Variants in DAB1 observed in about 807,000 individuals in gnomAD.
DAB1 encodes the protein DAB adaptor protein 1.
DAB1 carries 15 observed loss-of-function variants against 64.6 expected under a neutral mutation model. The ratio of observed to expected loss-of-function variants is 0.23; its 90% CI spans 0.16 to 0.36. The LOEUF is 0.36. Ranked by LOEUF, DAB1 falls within the 10% of genes least tolerant of loss-of-function variation. DAB1 has a pLI of 1.00. For synonymous variants in DAB1, 235 were observed against 251.9 expected, an observed-to-expected ratio of 0.93 and a Z score of 0.64; for missense variants, 596 against 706.7, an observed-to-expected ratio of 0.84 and a Z score of 1.78.
intron 4 of DAB1, among the ~76,000 whole-genome samples, chr1:58,269,124 A>G (rs686293): frequency 0.65 from 91,632 of 140,972 alleles, 30,757 homozygotes; most frequent in East Asian, 0.85. Flanking sequence ...CTAACTCGTC[A>G]TCTAGCATTA....
chr1:58,266,916 T>C (rs1661181474), intron 4 of DAB1, among the ~76,000 whole-genome samples: 1 of 152,234 alleles, frequency 6.6e-6, no homozygotes, highest in Non-Finnish European at 1.5e-5. Flanking sequence ...TGGAAGATGT[T>C]CAGTTTAAAA....
At chr1:58,183,697 T>C (rs954505572) in intron 4 of DAB1, among the ~76,000 whole-genome samples, 1 of 152,128 alleles carries the variant, frequency 6.6e-6, no homozygotes, top group African/African-American at 2.4e-5. Flanking sequence ...TGACGTATTA[T>C]AGGAATTCTG....
intron 2 of DAB1, among the ~76,000 whole-genome samples, chr1:57,253,373 A>T (rs149875637): frequency 1.3e-5 from 2 of 152,194 alleles, no homozygotes; most frequent in African/African-American, 4.8e-5. Flanking sequence ...GACACAAAAG[A>T]TATATTTTTA....
At chr1:57,705,420 A>G (rs1646955687) in intron 6 of DAB1, among the ~76,000 whole-genome samples, 1 of 152,168 alleles carries the variant, frequency 6.6e-6, no homozygotes, top group Non-Finnish European at 1.5e-5. Flanking sequence ...ATGGCTACTA[A>G]TAACTATGGA....
chr1:58,124,726 G>T (rs1652960338), intron 5 of DAB1, among the ~76,000 whole-genome samples: 1 of 152,156 alleles, frequency 6.6e-6, no homozygotes. Flanking sequence ...CCTGTTATCT[G>T]TGTGTGCTTA....
At chr1:58,348,764 C>G (rs1166085391) in intron 3 of DAB1, among the ~76,000 whole-genome samples, 1 of 152,104 alleles carries the variant, frequency 6.6e-6, no homozygotes, top group Non-Finnish European at 1.5e-5. Flanking sequence ...GTTTTTTTGG[C>G]ACATGAAATG....
intron 3 of DAB1, among the ~76,000 whole-genome samples, chr1:58,433,191 G>A (rs1382164066): frequency 6.6e-6 from 1 of 152,170 alleles, no homozygotes; most frequent in Non-Finnish European, 1.5e-5. Flanking sequence ...CACATTTGGT[G>A]GGTACTTTAC....
intron 14 of DAB1, among the ~76,000 whole-genome samples, chr1:57,000,039 C>T (rs1645788378): frequency 1.4e-5 from 2 of 138,908 alleles, no homozygotes; most frequent in African/African-American, 5.2e-5. Flanking sequence ...GTTCCTTCTG[C>T]CTTTTTTTTT....
chr1:57,686,749 A>G (rs572429330), intron 6 of DAB1, among the ~76,000 whole-genome samples: 1 of 152,326 alleles, frequency 6.6e-6, no homozygotes, highest in East Asian at 1.9e-4. Context: ...CTAGTCCAAC[A>G]TATGCAAATC....
At chr1:58,541,208 C>A (rs1400955509) in intron 1 of DAB1, among the ~76,000 whole-genome samples, 1 of 135,978 alleles carries the variant, frequency 7.4e-6, no homozygotes, top group African/African-American at 2.7e-5. Context: ...GCAGGAGAAT[C>A]GCTTGAACCC....
intron 5 of DAB1, among the ~76,000 whole-genome samples, chr1:58,064,845 T>C (rs892134793): frequency 3.9e-5 from 6 of 151,998 alleles, no homozygotes; most frequent in African/African-American, 9.7e-5. Context: ...CCTCAGACTC[T>C]CCGAGTAGCA....
intron 7 of DAB1, among the ~76,000 whole-genome samples, chr1:57,536,615 G>GAA (rs11452636): frequency 3.8e-4 from 53 of 140,998 alleles, no homozygotes; most frequent in East Asian, 6.0e-4. Flanking sequence ...CTGACATCCA[G>GAA]AAAAAAAAAA....
chr1:57,240,143 A>G lies in DAB1; in HGVS notation c.67+50821T>C, dbSNP rs532472782. Reference sequence around the variant, plus strand: ...TTAAATCATTAAGGAACAATATATTACTATTTGCTGAGCATTTCCTAAATC... The same window carrying G: ...TTAAATCATTAAGGAACAATATATTGCTATTTGCTGAGCATTTCCTAAATC... On this transcript the variant is annotated intron_variant, in intron 2 of 14. Coordinates refer to ENST00000371236, the MANE Select transcript of DAB1 (RefSeq NM_001365792.1). Among the ~76,000 whole-genome samples, 35 of 152,330 alleles carry G rather than the reference A, an allele frequency of 2.3e-4. No individual in the cohort carries two copies. In the South Asian group the frequency reaches 6.0e-3, roughly 26 times the overall value.
At chr1:57,192,381 A>T (rs1002627600) in intron 2 of DAB1, among the ~76,000 whole-genome samples, 3 of 152,102 alleles carry the variant, frequency 2.0e-5, no homozygotes, top group Non-Finnish European at 4.4e-5. Flanking sequence ...GCATCTATAC[A>T]AATCCCAGCC....
chr1:58,450,317 C>G (rs1645118457), intron 3 of DAB1, among the ~76,000 whole-genome samples: 1 of 152,206 alleles, frequency 6.6e-6, no homozygotes, highest in African/African-American at 2.4e-5. Flanking sequence ...AATCTAGAAC[C>G]ATGCACTGGG....
chr1:57,417,026 G>A (rs1054430170), intron 1 of DAB1, among the ~76,000 whole-genome samples: 6 of 152,132 alleles, frequency 3.9e-5, no homozygotes, highest in African/African-American at 1.2e-4. Context: ...GCTAGAAAGT[G>A]AAGAGAATTC....
intron 3 of DAB1, among the ~76,000 whole-genome samples, chr1:58,404,565 C>T (rs567155464): frequency 1.9e-4 from 29 of 152,250 alleles, no homozygotes; most frequent in South Asian, 8.3e-4. Context: ...TCAGAGCTTT[C>T]CCAGGAGAGT....
Position 57,072,961 on chromosome 1 carries a change from C to T in DAB1, c.307-547G>A, listed in dbSNP as rs149200309. Among the ~76,000 whole-genome samples the T allele has an allele frequency of 1.7e-3, 257 of 152,238 alleles. 2 individuals are homozygous for T. Among genetic ancestry groups the T allele is most frequent in the African/African-American group, 5.8e-3 (243 of 41,550 alleles). On this transcript the variant is annotated intron_variant, in intron 4 of 14. Coordinates refer to ENST00000371236, the MANE Select transcript of DAB1 (RefSeq NM_001365792.1). ...CCAAAGTCACCACTGGGGGTAGAGG[C>T]GGGGCTATGCATATCTCAGGCTTTT... is the stretch of plus-strand genomic sequence containing the variant.
chr1:57,928,592 G>A (rs1389199962), intron 5 of DAB1, among the ~76,000 whole-genome samples: 1 of 152,186 alleles, frequency 6.6e-6, no homozygotes, highest in Non-Finnish European at 1.5e-5. Flanking sequence ...AATACGTGCA[G>A]CATAATCCTC....
Sources: allele counts gnomAD v4.1 joint callset (sites outside exome capture counted in the v4.1 genomes callset), GRCh38; gene constraint gnomAD v4.1.1; transcripts MANE v1.5; gene names NCBI Gene and HGNC (gene_info 2026-07-23, HGNC 2026-07-21).